The following TMPRSS9 variants were observed in gnomAD, a reference collection of about 807,000 sequenced individuals.
TMPRSS9 encodes transmembrane protease serine 9.
TMPRSS9 carries 113 observed loss-of-function variants against 111.4 expected under a neutral mutation model. That is an observed-to-expected ratio of 1.01 (90% CI 0.87 to 1.19). TMPRSS9 has a LOEUF of 1.19. Among genes scored for constraint, TMPRSS9 ranks in the 50% most tolerant of loss-of-function variants. The pLI is 0.00. For missense variants in TMPRSS9, 1,803 were observed against 1,513.1 expected (o/e 1.19, Z -3.18); for synonymous variants, 805 against 659.1 (o/e 1.22, Z -3.39).
intron 13 of TMPRSS9, among the ~76,000 whole-genome samples, chr19:2,419,456 C>T (rs568618821): frequency 2.6e-4 from 40 of 151,132 alleles, no homozygotes; most frequent in South Asian, 1.7e-3. Flanking sequence ...CCCACCTGGG[C>T]CTCCCAAAGT....
At chr19:2,403,823 C>G (rs1180394597) in intron 6 of TMPRSS9, among the ~76,000 whole-genome samples, 1 of 151,954 alleles carries the variant, frequency 6.6e-6, no homozygotes, top group Non-Finnish European at 1.5e-5. Flanking sequence ...GAAACCCCCT[C>G]TCTACTAAAA....
chr19:2,408,295 G>C, intron 7 of TMPRSS9, 61 bp from the exon 9 acceptor site: 6 of 1,565,026 alleles, frequency 3.8e-6, no homozygotes, highest in Non-Finnish European at 5.2e-6. Context: ...CGAGTGTCCC[G>C]TCTGCCTCCC....
intron 13 of TMPRSS9, among the ~76,000 whole-genome samples, chr19:2,420,754 C>T (rs111879315): frequency 2.6e-4 from 40 of 152,230 alleles, no homozygotes; most frequent in African/African-American, 8.4e-4. Flanking sequence ...GTTGTGAGAT[C>T]GGTGTCTTGC....
In TMPRSS9 at chr19:2,425,831, G is replaced by C. The variant is rs563546777; in HGVS notation, c.3121-96G>C. 6.9e-6 allele frequency: 10 copies of C among 1,448,278 alleles called. No individual in the cohort carries two copies. The Admixed American group carries it at 1.7e-4, about 25-fold the overall frequency. The allele number at this position is 1,448,278 out of a possible 1,614,324, so 89.7% of individuals were successfully genotyped here. A position where few individuals can be genotyped will look rare whatever the true frequency, so the allele number is the denominator to read the frequency against. On this transcript the variant is annotated intron_variant, in intron 17 of 17. Coordinates refer to ENST00000648592, the Ensembl canonical transcript of TMPRSS9. ...GATAGTGAAAATGCGGCTCCCAGGG[G>C]AAGTCACTAGGGTCACTCCTAGAGG...
intron 1 of TMPRSS9, among the ~76,000 whole-genome samples, chr19:2,374,178 A>G (rs2145250567): frequency 7.2e-6 from 1 of 138,108 alleles, no homozygotes; most frequent in South Asian, 2.5e-4. Flanking sequence ...TTTTTCTTGT[A>G]TTCACGGTGA....
chr19:2,418,261 TCCTTG>T (rs1971301701), intron 13 of TMPRSS9, 123 bp downstream of exon 14: 1 of 1,046,892 alleles, frequency 9.6e-7, no homozygotes. Flanking sequence ...CCTCCTTCCC[TCCTTG>T]TCCTTCCCTC....
At position 2,413,671 on chromosome 19, in the gene TMPRSS9, C is replaced by T. The variant is rs753257743; in HGVS notation, c.1255-29C>T. 3 of 1,578,888 alleles carry T rather than the reference C, an allele frequency of 1.9e-6. No homozygotes were observed. In the Admixed American group the frequency reaches 5.1e-5, roughly 27 times the overall value. On this transcript the variant is annotated intron_variant, in intron 9 of 17. Transcript: ENST00000648592. ...GTGTCTGGACTGGCTGCTGCCGACC[C>T]ATCCTGAGGGTGTGTGTTGGTTTCC...
intron 1 of TMPRSS9, among the ~76,000 whole-genome samples, chr19:2,369,061 C>T (rs935464573): frequency 6.6e-6 from 1 of 151,512 alleles, no homozygotes; most frequent in Non-Finnish European, 1.5e-5. Flanking sequence ...AAGTGATTCT[C>T]CTGCCTCAGC....
intron 13 of TMPRSS9, 114 bp from the exon 15 acceptor site, chr19:2,421,740 T>A: frequency 8.1e-7 from 1 of 1,230,772 alleles, no homozygotes; most frequent in Non-Finnish European, 1.1e-6. Flanking sequence ...CGCTGTGCCC[T>A]CTGCCCCCCG....
chr19:2,407,788 A>T (rs1971003047), intron 7 of TMPRSS9, among the ~76,000 whole-genome samples: 1 of 134,588 alleles, frequency 7.4e-6, no homozygotes, highest in East Asian at 2.2e-4. Context: ...CCGCTAATAT[A>T]TATATATTTT....
At chr19:2,403,150 G>A (rs374509764) in exon 6 of TMPRSS9, 2 of 1,612,466 alleles carry the variant, frequency 1.2e-6, no homozygotes, top group Non-Finnish European at 1.7e-6. Flanking sequence ...CCCGGAGTGT[G>A]ACGACCAGGA....
Position 2,376,616 on chromosome 19 carries a change from C to T in TMPRSS9, c.-25-13145C>T, listed in dbSNP as rs1047043082. Among the ~76,000 whole-genome samples the T allele has an allele frequency of 2.6e-5, 4 of 152,218 alleles. No individual in the cohort carries two copies. In the South Asian group the frequency reaches 6.2e-4, roughly 24 times the overall value. On this transcript the variant is annotated intron_variant, in intron 1 of 17. Transcript: ENST00000649857. Reference sequence around the variant, plus strand: ...CTGGGATTACAGGCATGTGCCCCCACGCCCGGCTAATTTTTGTATTTTTAG... The same window carrying T: ...CTGGGATTACAGGCATGTGCCCCCATGCCCGGCTAATTTTTGTATTTTTAG...
chr19:2,413,794 G>A lies in TMPRSS9; in HGVS notation c.1349G>A (p.Arg450Gln), dbSNP rs764037096. The change falls in exon 10 of 18, where the codon CGG becomes CAG. Residue 450 changes from arginine (R) to glutamine (Q), a missense_variant. By Grantham distance (43) the Arg-to-Gln change is conservative. Coordinates refer to ENST00000648592, the Ensembl canonical transcript of TMPRSS9. ...TGGGGAATCGGGTGTGCGGAAGCCC[G>A]GCGTCCAGGGGTCTATGCCCGAGTC... 6.4e-5 allele frequency: 103 copies of A among 1,613,700 alleles called. No individual in the cohort carries two copies. Among genetic ancestry groups the A allele is most frequent in the Admixed American group, 1.2e-4 (7 of 59,980 alleles).
chr19:2,389,711 G>A, upstream of TMPRSS9: 1 of 1,514,368 alleles, frequency 6.6e-7, no homozygotes, highest in Non-Finnish European at 8.9e-7. Context: ...GGGAAGAGAA[G>A]CACCTTCAGC....
At chr19:2,405,673 C>A in intron 7 of TMPRSS9, 128 bp downstream of exon 8, 1 of 951,838 alleles carries the variant, frequency 1.1e-6, no homozygotes, top group Non-Finnish European at 1.4e-6. Context: ...TCCTTTCTTT[C>A]TTGCTTTTGC....
At chr19:2,360,969 A>G (rs12986109) in intron 1 of TMPRSS9, among the ~76,000 whole-genome samples, 1 of 147,918 alleles carries the variant, frequency 6.8e-6, no homozygotes, top group Non-Finnish European at 1.5e-5. Context: ...GATTCGGCCT[A>G]GTTCCTGGAG....
intron 4 of TMPRSS9, 111 bp downstream of exon 5, chr19:2,399,304 C>T (rs185084541): frequency 5.0e-5 from 69 of 1,378,288 alleles, no homozygotes; most frequent in Non-Finnish European, 6.4e-5. Context: ...AACAAACTGG[C>T]CGGGTGTGGT....
chr19:2,380,814 A>G (rs934194531), intron 1 of TMPRSS9, among the ~76,000 whole-genome samples: 4 of 152,100 alleles, frequency 2.6e-5, no homozygotes, highest in Admixed American at 6.6e-5. Context: ...ATAGCTGACT[A>G]ATACAGTTTC....
At chr19:2,397,702 T>C (rs928468705) in intron 2 of TMPRSS9, among the ~76,000 whole-genome samples, 13 of 151,866 alleles carry the variant, frequency 8.6e-5, no homozygotes, top group Admixed American at 7.2e-4. Context: ...AGTGGATACC[T>C]GAGGTCAGGA....
Sources: gnomAD v4.1 joint callset for allele counts (sites outside exome capture counted in the v4.1 genomes callset) on GRCh38, gnomAD v4.1.1 for gene constraint, MANE v1.5 for transcripts, NCBI Gene and HGNC (gene_info 2026-07-23, HGNC 2026-07-21) for gene names.